Variants in CHRM3 observed in about 807,000 individuals in gnomAD.
CHRM3 encodes the protein muscarinic acetylcholine receptor M3.
Under a neutral mutation model 41.8 loss-of-function variants are expected in CHRM3, and 11 were observed. The observed-to-expected ratio is 0.26, with a 90% CI of 0.17 to 0.44. CHRM3 has a LOEUF of 0.44. Among genes scored for constraint, CHRM3 ranks in the 20% least tolerant of loss-of-function variants. The pLI is 1.00. For missense variants in CHRM3, 571 were observed against 745.4 expected, an observed-to-expected ratio of 0.77 and a Z score of 2.72; for synonymous variants, 297 against 301.4, an observed-to-expected ratio of 0.99 and a Z score of 0.15.
intron 2 of CHRM3, among the ~76,000 whole-genome samples, chr1:239,541,684 CTA>C (rs1658795870): frequency 6.6e-6 from 1 of 151,680 alleles, no homozygotes; most frequent in African/African-American, 2.4e-5. Context: ...GCTAATTTTT[CTA>C]TGTTTTTGTA....
chr1:239,482,021 A>G (rs1480165050), intron 1 of CHRM3, among the ~76,000 whole-genome samples: 1 of 152,168 alleles, frequency 6.6e-6, no homozygotes, highest in African/African-American at 2.4e-5. Flanking sequence ...TTTTGGAAGC[A>G]TGTTTCGAAG....
chr1:239,398,185 T>A (rs1020297592), intron 1 of CHRM3, among the ~76,000 whole-genome samples: 1 of 152,112 alleles, frequency 6.6e-6, no homozygotes, highest in Non-Finnish European at 1.5e-5. Flanking sequence ...GATTACAACT[T>A]TGAATCAATA....
intron 5 of CHRM3, among the ~76,000 whole-genome samples, chr1:239,788,413 C>T (rs1292840532): frequency 1.3e-5 from 2 of 152,070 alleles, no homozygotes; most frequent in Non-Finnish European, 2.9e-5. Context: ...GCCAGGTTTC[C>T]TTCCAGTGTC....
intron 6 of CHRM3, among the ~76,000 whole-genome samples, chr1:239,850,745 GGGATCATCCCCCTTTTGCTT>G (rs1674637008): frequency 6.6e-6 from 1 of 152,076 alleles, no homozygotes; most frequent in Non-Finnish European, 1.5e-5. Flanking sequence ...GTTTTATAAG[GGGATCATCCCCCTTTTGCTT>G]GGCACTTCTC....
chr1:239,462,925 T>C (rs1416892581), intron 1 of CHRM3, among the ~76,000 whole-genome samples: 4 of 152,230 alleles, frequency 2.6e-5, no homozygotes, highest in Non-Finnish European at 4.4e-5. Flanking sequence ...CTGGACAGAA[T>C]TAATTCTCTG....
At chr1:239,878,536 G>A (rs528397724) in intron 6 of CHRM3, among the ~76,000 whole-genome samples, 3 of 152,034 alleles carry the variant, frequency 2.0e-5, no homozygotes, top group Admixed American at 1.3e-4. Context: ...ACTGGTACAT[G>A]TCTGTGGCCT....
chr1:239,546,872 T>C (rs1412953549), intron 3 of CHRM3, among the ~76,000 whole-genome samples: 3 of 152,214 alleles, frequency 2.0e-5, no homozygotes, highest in Admixed American at 6.5e-5. Context: ...ATATAGTATT[T>C]AATACATCTG....
chr1:239,754,175 C>A (rs1039261397), intron 5 of CHRM3, among the ~76,000 whole-genome samples: 1 of 152,158 alleles, frequency 6.6e-6, no homozygotes, highest in African/African-American at 2.4e-5. Flanking sequence ...TATATGCAAA[C>A]GTGTTTCAAT....
intron 3 of CHRM3, among the ~76,000 whole-genome samples, chr1:239,568,931 T>G (rs957502543): frequency 6.6e-6 from 1 of 152,228 alleles, no homozygotes; most frequent in African/African-American, 2.4e-5. Context: ...ATCCTTTATA[T>G]ATAATGCCTA....
At chr1:239,630,092 A>T (rs1229766048) in intron 3 of CHRM3, among the ~76,000 whole-genome samples, 4 of 152,206 alleles carry the variant, frequency 2.6e-5, no homozygotes, top group African/African-American at 9.6e-5. Context: ...ATACTAGAGA[A>T]ATTTAATCAG....
chr1:239,411,679 C>G (rs539438113), intron 1 of CHRM3, among the ~76,000 whole-genome samples: 1 of 133,126 alleles, frequency 7.5e-6, no homozygotes, highest in Non-Finnish European at 1.5e-5. Flanking sequence ...GAGCCAAGAT[C>G]GCCCCATTGC....
intron 5 of CHRM3, among the ~76,000 whole-genome samples, chr1:239,679,073 G>A (rs6702482): frequency 0.34 from 50,557 of 147,422 alleles, 8,786 homozygotes; most frequent in Middle Eastern, 0.52. Context: ...ACATAGGTAT[G>A]TCACGACACC....
At chr1:239,510,098 A>G (rs1668824242) in intron 2 of CHRM3, among the ~76,000 whole-genome samples, 1 of 152,184 alleles carries the variant, frequency 6.6e-6, no homozygotes, top group South Asian at 2.1e-4. Context: ...ACAAACAAAC[A>G]AACAAAGTTT....
At chr1:239,849,389 A>G (rs1674521033) in intron 6 of CHRM3, among the ~76,000 whole-genome samples, 1 of 152,220 alleles carries the variant, frequency 6.6e-6, no homozygotes, top group Non-Finnish European at 1.5e-5. Flanking sequence ...TAGGTGCAGC[A>G]CACGCCTGGA....
chr1:239,524,769 A>G (rs1782353), intron 2 of CHRM3, among the ~76,000 whole-genome samples: 80,643 of 151,756 alleles, frequency 0.53, 21,630 homozygotes, highest in Middle Eastern at 0.66. Context: ...ACCGTGCTGC[A>G]CAGTTGCCTG....
chr1:239,763,197 C>T (rs1666940035), intron 5 of CHRM3, among the ~76,000 whole-genome samples: 1 of 152,078 alleles, frequency 6.6e-6, no homozygotes, highest in Admixed American at 6.5e-5. Context: ...CCAAAAAGAA[C>T]AACCATTGCC....
At chr1:239,900,244 G>A (rs1428036174) in intron 6 of CHRM3, among the ~76,000 whole-genome samples, 3 of 150,836 alleles carry the variant, frequency 2.0e-5, no homozygotes, top group Non-Finnish European at 4.4e-5. Context: ...TTAGCCCGGG[G>A]TTATCACTGC....
At chr1:239,450,941 G>A (rs115909412) in intron 1 of CHRM3, among the ~76,000 whole-genome samples, 2,790 of 152,316 alleles carry the variant, frequency 0.018, 89 homozygotes, top group African/African-American at 0.064. Context: ...TGTAATGCCA[G>A]CACTTTGGGA....
intron 4 of CHRM3, among the ~76,000 whole-genome samples, chr1:239,643,249 T>G (rs1671393483): frequency 6.6e-6 from 1 of 152,188 alleles, no homozygotes; most frequent in African/African-American, 2.4e-5. Context: ...AGTCTGCCCA[T>G]TCTCAGATCT....
Sources: allele counts gnomAD v4.1 joint callset (sites outside exome capture counted in the v4.1 genomes callset), GRCh38; gene constraint gnomAD v4.1.1; transcripts MANE v1.5; gene names NCBI Gene and HGNC (gene_info 2026-07-23, HGNC 2026-07-21).